The following PTPRT variants were observed in gnomAD, a reference collection of about 807,000 sequenced individuals.
The protein encoded by PTPRT is protein tyrosine phosphatase receptor type T.
PTPRT carries 56 observed loss-of-function variants against 176.8 expected under a neutral mutation model. The observed-to-expected ratio is 0.32, with a 90% CI of 0.26 to 0.40. The LOEUF is 0.40. Among genes scored for constraint, PTPRT ranks in the 10% least tolerant of loss-of-function variants. The pLI, the probability that PTPRT is intolerant of heterozygous loss-of-function variation, is 1.00. For synonymous variants in PTPRT, 783 were observed against 739.0 expected (o/e 1.06, Z -0.96); for missense variants, 1,540 against 1,908.2 (o/e 0.81, Z 3.60).
chr20:42,044,057 A>G, the PTPRT span, among the ~76,000 whole-genome samples: 1 of 152,202 alleles, frequency 6.6e-6, no homozygotes, highest in African/African-American at 2.4e-5. Flanking sequence ...ACTGGGACAG[A>G]GGAGTAAATA....
chr20:42,421,368 G>A (rs1375041572), intron 9 of PTPRT, among the ~76,000 whole-genome samples: 1 of 152,116 alleles, frequency 6.6e-6, no homozygotes. Context: ...TCTGGAATCT[G>A]TGAATGTGAC....
chr20:42,568,405 T>C (rs1160149453), intron 7 of PTPRT, among the ~76,000 whole-genome samples: 2 of 152,068 alleles, frequency 1.3e-5, no homozygotes, highest in African/African-American at 4.8e-5. Context: ...GGTGAGAAAA[T>C]TGAGGAGCAG....
At chr20:43,134,112 G>A (rs1345240906) in intron 1 of PTPRT, among the ~76,000 whole-genome samples, 1 of 152,166 alleles carries the variant, frequency 6.6e-6, no homozygotes, top group Non-Finnish European at 1.5e-5. Flanking sequence ...GATATAGTCA[G>A]CCAAATCCAG....
chr20:42,219,791 C>A (rs1310692588), intron 15 of PTPRT, among the ~76,000 whole-genome samples: 1 of 152,184 alleles, frequency 6.6e-6, no homozygotes, highest in African/African-American at 2.4e-5. Context: ...GAGGCCAGGG[C>A]TTGACAGCTT....
chr20:42,199,036 G>A (rs1266680385), intron 16 of PTPRT, among the ~76,000 whole-genome samples: 2 of 152,104 alleles, frequency 1.3e-5, no homozygotes, highest in Non-Finnish European at 2.9e-5. Flanking sequence ...TCTGATTTGG[G>A]GAAGATTTTT....
At chr20:42,295,409 A>T (rs905935791) in intron 12 of PTPRT, among the ~76,000 whole-genome samples, 2 of 152,192 alleles carry the variant, frequency 1.3e-5, no homozygotes, top group African/African-American at 4.8e-5. Context: ...AGCTTTCAAC[A>T]TTCAAAAAGC....
At chr20:42,578,163 C>T (rs1362922404) in intron 7 of PTPRT, among the ~76,000 whole-genome samples, 2 of 152,012 alleles carry the variant, frequency 1.3e-5, no homozygotes, top group East Asian at 3.9e-4. Context: ...GGAGTTACCT[C>T]GAGTCAACCA....
chr20:42,556,823 C>T (rs531468610), intron 7 of PTPRT, among the ~76,000 whole-genome samples: 15 of 152,144 alleles, frequency 9.9e-5, no homozygotes, highest in Non-Finnish European at 2.1e-4. Context: ...TCATCCTCAA[C>T]TGAGTGACAT....
intron 8 of PTPRT, among the ~76,000 whole-genome samples, chr20:42,464,998 C>G (rs780795843): frequency 1.3e-5 from 2 of 151,646 alleles, no homozygotes; most frequent in Admixed American, 1.3e-4. Flanking sequence ...AAGTATGATG[C>G]TAAATGAAAT....
chr20:42,605,768 G>C (rs565183361), intron 7 of PTPRT, among the ~76,000 whole-genome samples: 2 of 152,180 alleles, frequency 1.3e-5, no homozygotes, highest in Non-Finnish European at 2.9e-5. Context: ...CCTCCTACAG[G>C]AGCCCAGAGC....
intron 24 of PTPRT, among the ~76,000 whole-genome samples, chr20:42,105,596 T>G (rs1986364045): frequency 6.6e-6 from 1 of 152,224 alleles, no homozygotes. Context: ...AAAGAGTACT[T>G]TTCCAGATGC....
chr20:42,927,472 G>A (rs894823387), intron 1 of PTPRT, among the ~76,000 whole-genome samples: 1 of 152,180 alleles, frequency 6.6e-6, no homozygotes, highest in Non-Finnish European at 1.5e-5. Context: ...TGAGACAAGA[G>A]AATCGCTTCT....
At chr20:42,257,895 T>C (rs2056676508) in intron 13 of PTPRT, among the ~76,000 whole-genome samples, 1 of 151,946 alleles carries the variant, frequency 6.6e-6, no homozygotes, top group African/African-American at 2.4e-5. Context: ...TCCATCATTA[T>C]ACCTATTTCT....
At chr20:42,184,520 T>TTCCTCTTCCTCTTCCTCTTCC (rs1990653281) in intron 16 of PTPRT, among the ~76,000 whole-genome samples, 1 of 89,942 alleles carries the variant, frequency 1.1e-5, no homozygotes, top group Admixed American at 1.1e-4. Flanking sequence ...CTCCTCCTCC[T>TTCCTCTTCCTCTTCCTCTTCC]TCTTCTTCTT....
chr20:42,723,409 G>A (rs898134296), intron 6 of PTPRT, among the ~76,000 whole-genome samples: 15 of 152,136 alleles, frequency 9.9e-5, no homozygotes, highest in African/African-American at 1.2e-4. Flanking sequence ...CTCCCAGGGC[G>A]GCCTTCCCGG....
chr20:42,791,047 A>G, intron 3 of PTPRT, 148 bp downstream of exon 3: 1 of 906,322 alleles, frequency 1.1e-6, no homozygotes, highest in Non-Finnish European at 1.6e-6. Flanking sequence ...GTGTTAGGTC[A>G]CCTCTGCAGA....
chr20:42,563,603 C>T (rs544553752), intron 7 of PTPRT, among the ~76,000 whole-genome samples: 1 of 152,148 alleles, frequency 6.6e-6, no homozygotes, highest in East Asian at 1.9e-4. Context: ...CCCAAATGCC[C>T]AGAAATAGGA....
rs540115430 is a variant in PTPRT, at chr20:42,704,423, T to C, written c.860-26264A>G. 8.2e-5 allele frequency among the ~76,000 whole-genome samples: 12 copies of C among 147,212 alleles called. No homozygotes were observed. The South Asian group carries it at 2.2e-3, about 27-fold the overall frequency. ...CCTAATGGTCTTTAGCTGGAAGGCG[T>C]TGATATCCAAAAAAAAAAAAAAAGT... On this transcript the variant is annotated intron_variant, in intron 6 of 30. Transcript: ENST00000373187.
chr20:42,677,750 C>T, intron 7 of PTPRT, 116 bp downstream of exon 7: 1 of 1,192,772 alleles, frequency 8.4e-7, no homozygotes, highest in Non-Finnish European at 1.2e-6. Flanking sequence ...CAATAGGAAG[C>T]ACATTCACAT....
Sources: allele counts gnomAD v4.1 joint callset (sites outside exome capture counted in the v4.1 genomes callset), GRCh38; gene constraint gnomAD v4.1.1; transcripts MANE v1.5; gene names NCBI Gene and HGNC (gene_info 2026-07-23, HGNC 2026-07-21).